The following AUH variants were observed in gnomAD, a reference collection of about 807,000 sequenced individuals.
AUH encodes AU RNA binding methylglutaconyl-CoA hydratase.
Under a neutral mutation model 42.3 loss-of-function variants are expected in AUH, and 29 were observed. The ratio of observed to expected loss-of-function variants is 0.69; its 90% CI spans 0.51 to 0.93. The LOEUF (loss-of-function observed/expected upper bound fraction) is 0.93, where lower values mean the gene tolerates loss of function less well. Ranked by LOEUF, AUH falls within the 40% of genes least tolerant of loss-of-function variation. The pLI, the probability that AUH is intolerant of heterozygous loss-of-function variation, is 0.00. For missense variants in AUH, 452 were observed against 438.1 expected (o/e 1.03, Z -0.28); for synonymous variants, 174 against 166.4 (o/e 1.05, Z -0.35).
At chr9:91,225,800 G>C (rs1827424764) in intron 6 of AUH, among the ~76,000 whole-genome samples, 1 of 151,216 alleles carries the variant, frequency 6.6e-6, no homozygotes, top group Admixed American at 6.6e-5. Context: ...AGAATATGCG[G>C]TGTTTGGTTT....
intron 6 of AUH, among the ~76,000 whole-genome samples, chr9:91,273,138 A>C (rs936147526): frequency 6.6e-6 from 1 of 152,232 alleles, no homozygotes; most frequent in Non-Finnish European, 1.5e-5. Context: ...GACACCATGA[A>C]GCAGGACTGA....
intron 4 of AUH, among the ~76,000 whole-genome samples, chr9:91,318,676 G>A (rs768393961): frequency 3.3e-5 from 5 of 152,338 alleles, no homozygotes; most frequent in Non-Finnish European, 7.3e-5. Context: ...GATTTGGCAT[G>A]GTTGGGCCCA....
intron 6 of AUH, among the ~76,000 whole-genome samples, chr9:91,255,969 A>AT: frequency 6.6e-6 from 1 of 152,240 alleles, no homozygotes; most frequent in South Asian, 2.1e-4. Flanking sequence ...AAGTTCTGGC[A>AT]TTTTATCTTC....
intron 3 of AUH, among the ~76,000 whole-genome samples, chr9:91,337,211 A>T (rs1265578769): frequency 6.6e-6 from 1 of 152,180 alleles, no homozygotes; most frequent in African/African-American, 2.4e-5. Context: ...CTCTCTAAAA[A>T]ATATTAAATA....
intron 3 of AUH, among the ~76,000 whole-genome samples, chr9:91,327,054 C>T (rs571511483): frequency 6.6e-6 from 1 of 152,266 alleles, no homozygotes; most frequent in African/African-American, 2.4e-5. Flanking sequence ...CACATATAGA[C>T]CACTTCACAA....
chr9:91,233,508 C>A (rs1306391134), intron 6 of AUH, among the ~76,000 whole-genome samples: 1 of 152,088 alleles, frequency 6.6e-6, no homozygotes, highest in Non-Finnish European at 1.5e-5. Flanking sequence ...GACTGTCATT[C>A]TCTAATGAAG....
intron 8 of AUH, among the ~76,000 whole-genome samples, chr9:91,217,071 T>C (rs1403414035): frequency 1.3e-5 from 2 of 152,226 alleles, no homozygotes; most frequent in African/African-American, 4.8e-5. Context: ...TACTGAATTC[T>C]GTGCTTGTGA....
intron 3 of AUH, among the ~76,000 whole-genome samples, chr9:91,353,800 G>C (rs1309202555): frequency 9.6e-6 from 1 of 104,690 alleles, no homozygotes; most frequent in Admixed American, 1.4e-4. Context: ...CAGCCTGGGT[G>C]ACAGAGCAAG....
intron 6 of AUH, among the ~76,000 whole-genome samples, chr9:91,257,953 A>T (rs932842107): frequency 3.3e-4 from 50 of 152,230 alleles, no homozygotes; most frequent in African/African-American, 1.2e-3. Context: ...GGTAGTTTTG[A>T]GTCTACAGAT....
At position 91,310,354 on chromosome 9, in the gene AUH, T is replaced by C. The variant is rs565428080; in HGVS notation, c.506-12278A>G. Among the ~76,000 whole-genome samples the C allele has an allele frequency of 1.2e-3, 180 of 152,294 alleles. 3 individuals carry two copies. Among genetic ancestry groups the C allele is most frequent in the Admixed American group, 9.2e-3 (140 of 15,292 alleles). On this transcript the variant is annotated intron_variant, in intron 4 of 9. Coordinates refer to ENST00000375731, the MANE Select transcript of AUH (RefSeq NM_001698.3). ...GAGAAGGTTCAGCCTGAAGATAAGA[T>C]GAAATAATTACAGTATGGCTAACAT...
At chr9:91,268,987 CTT>C (rs11356485) in intron 6 of AUH, among the ~76,000 whole-genome samples, 1 of 148,222 alleles carries the variant, frequency 6.7e-6, no homozygotes, top group Admixed American at 6.7e-5. Context: ...TTAACACTTT[CTT>C]TTTTTTTTTG....
intron 3 of AUH, among the ~76,000 whole-genome samples, chr9:91,346,470 C>T (rs1365388712): frequency 6.6e-6 from 1 of 152,192 alleles, no homozygotes; most frequent in Non-Finnish European, 1.5e-5. Context: ...GTACCTCCTC[C>T]ACTTGACTGT....
At chr9:91,250,682 T>C (rs934244696) in intron 6 of AUH, among the ~76,000 whole-genome samples, 2 of 152,272 alleles carry the variant, frequency 1.3e-5, no homozygotes, top group Non-Finnish European at 2.9e-5. Context: ...ATACTCATTA[T>C]GTTTTCTTCT....
chr9:91,330,490 T>C (rs552775344), intron 3 of AUH, among the ~76,000 whole-genome samples: 25 of 152,284 alleles, frequency 1.6e-4, no homozygotes, highest in Admixed American at 2.6e-4. Context: ...GCATAAAGTA[T>C]TGGTGAAGGT....
At chr9:91,279,973 T>C (rs1456134766) in intron 6 of AUH, among the ~76,000 whole-genome samples, 2 of 152,220 alleles carry the variant, frequency 1.3e-5, no homozygotes, top group Non-Finnish European at 2.9e-5. Flanking sequence ...ATCATTAGAC[T>C]TGACATTTAC....
chr9:91,240,286 C>T (rs1044264284), intron 6 of AUH, among the ~76,000 whole-genome samples: 1 of 152,154 alleles, frequency 6.6e-6, no homozygotes, highest in Non-Finnish European at 1.5e-5. Flanking sequence ...CACTGTGCAC[C>T]CCTCCGCCTT....
chr9:91,348,525 G>C (rs34428184), intron 3 of AUH, among the ~76,000 whole-genome samples: 2,914 of 152,212 alleles, frequency 0.019, 36 homozygotes, highest in Non-Finnish European at 0.03. Flanking sequence ...AACAAACCGT[G>C]AAACAGTCAT....
At chr9:91,254,402 G>A (rs775905677) in intron 6 of AUH, among the ~76,000 whole-genome samples, 1 of 152,174 alleles carries the variant, frequency 6.6e-6, no homozygotes, top group Non-Finnish European at 1.5e-5. Context: ...GCAAAACTGA[G>A]CAATGAAAAT....
intron 6 of AUH, among the ~76,000 whole-genome samples, chr9:91,233,675 C>T (rs968556771): frequency 6.6e-6 from 1 of 152,142 alleles, no homozygotes; most frequent in Non-Finnish European, 1.5e-5. Context: ...ATGAAGATTA[C>T]GTAACTGTTT....
Sources: allele counts gnomAD v4.1 joint callset (sites outside exome capture counted in the v4.1 genomes callset), GRCh38; gene constraint gnomAD v4.1.1; transcripts MANE v1.5; gene names NCBI Gene and HGNC (gene_info 2026-07-23, HGNC 2026-07-21).